ASPRV1: variants seen among roughly 807,000 people sequenced by gnomAD.
ASPRV1 encodes retroviral-like aspartic protease 1.
In ASPRV1, 7 loss-of-function variants were observed where a neutral mutation model predicts 11.0. That is an observed-to-expected ratio of 0.64 (90% CI 0.36 to 1.20). The LOEUF (loss-of-function observed/expected upper bound fraction) is 1.20, where lower values mean the gene tolerates loss of function less well. Among genes scored for constraint, ASPRV1 ranks in the 50% most tolerant of loss-of-function variants. The probability of loss-of-function intolerance (pLI) is 0.02; values close to 1 mark genes in which losing one functional copy is unlikely to be tolerated. For synonymous variants in ASPRV1, 136 were observed against 138.4 expected, an observed-to-expected ratio of 0.98 and a Z score of 0.12; for missense variants, 299 against 320.0, an observed-to-expected ratio of 0.93 and a Z score of 0.50.
the ASPRV1 span, chr2:70,059,851 G>C: frequency 1.3e-5 from 2 of 152,324 alleles, no homozygotes; most frequent in East Asian, 1.9e-4. Flanking sequence ...AGTAATGCGA[G>C]TGATGGTTGT....
At chr2:70,024,249 A>G in the ASPRV1 span, among the ~76,000 whole-genome samples, 99 of 152,330 alleles carry the variant, frequency 6.5e-4, no homozygotes, top group Admixed American at 1.4e-3. Flanking sequence ...ACTGGATGAG[A>G]AGGAGAATAG....
the ASPRV1 span, among the ~76,000 whole-genome samples, chr2:69,978,220 C>T: frequency 4.6e-5 from 7 of 152,126 alleles, no homozygotes; most frequent in South Asian, 4.1e-4. Context: ...GAAGCTTCTT[C>T]CCCAGGGGGC....
chr2:70,063,907 C>A, the ASPRV1 span: 1 of 152,200 alleles, frequency 6.6e-6, no homozygotes, highest in East Asian at 1.9e-4. Flanking sequence ...ACTCACTATC[C>A]AGGTGCTCCA....
chr2:70,031,039 T>C, the ASPRV1 span: 1 of 152,262 alleles, frequency 6.6e-6, no homozygotes, highest in Non-Finnish European at 1.5e-5. Context: ...ACTAGGAGCA[T>C]TTAGAATAGG....
chr2:70,066,221 C>A, the ASPRV1 span, among the ~76,000 whole-genome samples: 1 of 152,080 alleles, frequency 6.6e-6, no homozygotes, highest in African/African-American at 2.4e-5. Flanking sequence ...CAAAGCAGTT[C>A]AATGGAAACA....
chr2:69,954,908 C>T, the ASPRV1 span, among the ~76,000 whole-genome samples: 1 of 152,198 alleles, frequency 6.6e-6, no homozygotes, highest in Non-Finnish European at 1.5e-5. Flanking sequence ...CTCCTAGAGA[C>T]AGGAAGAGCA....
the ASPRV1 span, among the ~76,000 whole-genome samples, chr2:70,037,232 A>AT: frequency 2.0e-5 from 3 of 152,034 alleles, no homozygotes; most frequent in African/African-American, 7.2e-5. Context: ...TAACCTTCCA[A>AT]TTTTGGTGTA....
chr2:70,060,804 G>A, the ASPRV1 span, among the ~76,000 whole-genome samples: 26 of 152,026 alleles, frequency 1.7e-4, no homozygotes, highest in African/African-American at 5.8e-4. Context: ...CAACAAGAGC[G>A]AAACTCTGTC....
chr2:69,969,143 G>T, the ASPRV1 span, among the ~76,000 whole-genome samples: 3 of 152,292 alleles, frequency 2.0e-5, no homozygotes, highest in Admixed American at 6.5e-5. Context: ...CCACTGTGGG[G>T]CAGGTGGAGG....
chr2:70,041,920 C>T, the ASPRV1 span, among the ~76,000 whole-genome samples: 1 of 152,134 alleles, frequency 6.6e-6, no homozygotes, highest in African/African-American at 2.4e-5. Context: ...TATGCAGACA[C>T]ACAGGAAATA....
the ASPRV1 span, chr2:69,996,964 A>G: frequency 3.5e-6 from 1 of 281,972 alleles, no homozygotes; most frequent in Non-Finnish European, 7.1e-6. Context: ...AACAGTCCTC[A>G]GCAGGGGTTA....
chr2:70,041,655 T>C, the ASPRV1 span, among the ~76,000 whole-genome samples: 346 of 152,276 alleles, frequency 2.3e-3, 1 homozygote, highest in African/African-American at 8.0e-3. Context: ...GAGATGAATA[T>C]AGTCCCAGAG....
the ASPRV1 span, among the ~76,000 whole-genome samples, chr2:69,996,227 A>AC: frequency 5.2e-4 from 79 of 150,646 alleles, no homozygotes; most frequent in African/African-American, 1.8e-3. Flanking sequence ...AAAAAAAAAA[A>AC]AAAAAAAAAA....
the ASPRV1 span, among the ~76,000 whole-genome samples, chr2:70,028,920 C>T: frequency 0.15 from 23,104 of 151,604 alleles, 2,724 homozygotes; most frequent in East Asian, 0.3. Flanking sequence ...CCAGCCTGGG[C>T]GACAGAGAGA....
chr2:70,035,420 A>G, the ASPRV1 span, among the ~76,000 whole-genome samples: 2 of 152,016 alleles, frequency 1.3e-5, no homozygotes, highest in Non-Finnish European at 2.9e-5. Flanking sequence ...ACAACCCAGC[A>G]AAACTACAGT....
the ASPRV1 span, among the ~76,000 whole-genome samples, chr2:70,066,629 C>A: frequency 9.9e-5 from 15 of 151,740 alleles, no homozygotes; most frequent in East Asian, 1.2e-3. Flanking sequence ...ACAAGGTCTC[C>A]CTCTGTCACC....
chr2:70,012,921 A>G, the ASPRV1 span, among the ~76,000 whole-genome samples: 1 of 152,228 alleles, frequency 6.6e-6, no homozygotes, highest in Admixed American at 6.5e-5. Flanking sequence ...TGAACCTGTC[A>G]CCTCATAGAA....
the ASPRV1 span, among the ~76,000 whole-genome samples, chr2:69,949,274 TGAATGAATGAATGAAC>T: frequency 6.6e-6 from 1 of 151,602 alleles, no homozygotes; most frequent in Non-Finnish European, 1.5e-5. Context: ...AATGAATGAA[TGAATGAATGAATGAAC>T]GAATGAACGA....
chr2:69,984,689 C>T, the ASPRV1 span, among the ~76,000 whole-genome samples: 1 of 132,454 alleles, frequency 7.5e-6, no homozygotes. Context: ...ATTGCGATCT[C>T]GGCTCCCTGC....
Sources: gnomAD v4.1 joint callset for allele counts (sites outside exome capture counted in the v4.1 genomes callset) on GRCh38, gnomAD v4.1.1 for gene constraint, MANE v1.5 for transcripts, NCBI Gene and HGNC (gene_info 2026-07-23, HGNC 2026-07-21) for gene names.